Variants in TBC1D22A observed in about 807,000 individuals in gnomAD.
TBC1D22A encodes the protein TBC1 domain family member 22A.
A neutral mutation model predicts 60.2 loss-of-function variants in TBC1D22A; 38 were observed. The observed-to-expected ratio is 0.63, with a 90% CI of 0.49 to 0.83. The LOEUF is 0.83. Among genes scored for constraint, TBC1D22A ranks in the 40% least tolerant of loss-of-function variants. The probability of loss-of-function intolerance (pLI) is 0.00; values close to 1 mark genes in which losing one functional copy is unlikely to be tolerated. For missense variants in TBC1D22A, 628 were observed against 701.0 expected, an observed-to-expected ratio of 0.90 and a Z score of 1.18; for synonymous variants, 302 against 281.7, an observed-to-expected ratio of 1.07 and a Z score of -0.72.
intron 12 of TBC1D22A, among the ~76,000 whole-genome samples, chr22:47,163,082 C>T (rs1209952134): frequency 6.6e-6 from 1 of 152,232 alleles, no homozygotes; most frequent in Non-Finnish European, 1.5e-5. Flanking sequence ...GGGCACTGAC[C>T]AGGCAGGCGT....
chr22:47,113,893 T>A (rs1461607892), intron 12 of TBC1D22A, among the ~76,000 whole-genome samples: 2 of 151,944 alleles, frequency 1.3e-5, no homozygotes, highest in Non-Finnish European at 2.9e-5. Flanking sequence ...GGGAGGTGGG[T>A]CATGAGAGGG....
chr22:47,102,100 G>A (rs901948731), intron 11 of TBC1D22A, among the ~76,000 whole-genome samples: 5 of 152,196 alleles, frequency 3.3e-5, no homozygotes, highest in Admixed American at 2.6e-4. Flanking sequence ...CCCACTTGCC[G>A]TTGCTGCAGA....
At chr22:47,027,230 A>G (rs114167740) in intron 10 of TBC1D22A, among the ~76,000 whole-genome samples, 2,270 of 152,366 alleles carry the variant, frequency 0.015, 54 homozygotes, top group African/African-American at 0.051. Flanking sequence ...GAAAATTCAC[A>G]TCAGAGGAAG....
intron 10 of TBC1D22A, among the ~76,000 whole-genome samples, chr22:47,019,662 G>C (rs1303295179): frequency 1.3e-5 from 2 of 151,894 alleles, no homozygotes; most frequent in East Asian, 1.9e-4. Context: ...GTGGGCAGTG[G>C]TGTGAGCAGT....
At chr22:46,768,692 G>A (rs1489927605) in intron 1 of TBC1D22A, among the ~76,000 whole-genome samples, 1 of 152,140 alleles carries the variant, frequency 6.6e-6, no homozygotes, top group East Asian at 1.9e-4. Flanking sequence ...CAGTCTTTCA[G>A]TGTGGGTCTG....
chr22:46,938,757 TG>T (rs1224916093), intron 8 of TBC1D22A, among the ~76,000 whole-genome samples: 1 of 152,052 alleles, frequency 6.6e-6, no homozygotes, highest in African/African-American at 2.4e-5. Flanking sequence ...GGCTAATTTT[TG>T]TATTTTTAGT....
intron 9 of TBC1D22A, among the ~76,000 whole-genome samples, chr22:46,980,984 C>T (rs546013323): frequency 1.3e-5 from 2 of 152,330 alleles, no homozygotes; most frequent in East Asian, 3.9e-4. Flanking sequence ...ATGCTACTTA[C>T]AAGACACCGA....
At chr22:46,916,891 G>C (rs2070403940) in intron 8 of TBC1D22A, among the ~76,000 whole-genome samples, 1 of 152,224 alleles carries the variant, frequency 6.6e-6, no homozygotes, top group Non-Finnish European at 1.5e-5. Context: ...ATCGATCATG[G>C]AGAAGTTCTC....
chr22:47,167,759 A>G (rs9626956), intron 12 of TBC1D22A, among the ~76,000 whole-genome samples: 19,149 of 152,188 alleles, frequency 0.13, 1,301 homozygotes, highest in Non-Finnish European at 0.15. Context: ...AAAAAGCACC[A>G]TTCGATTGGA....
intron 8 of TBC1D22A, among the ~76,000 whole-genome samples, chr22:46,941,581 GGGAATATATATACGGAATATATATACGC>G (rs2072097092): frequency 9.6e-5 from 11 of 114,710 alleles, no homozygotes; most frequent in East Asian, 4.3e-4. Context: ...TATATATACA[GGGAATATATATACGGAATATATATACGC>G]GGAATATATA....
chr22:46,985,326 C>T (rs1455085458), intron 9 of TBC1D22A, among the ~76,000 whole-genome samples: 5 of 152,092 alleles, frequency 3.3e-5, no homozygotes, highest in Admixed American at 3.3e-4. Context: ...CCACACCTGC[C>T]CCAGATGCCG....
chr22:47,171,058 T>C (rs1407489945), intron 12 of TBC1D22A, among the ~76,000 whole-genome samples: 1 of 152,292 alleles, frequency 6.6e-6, no homozygotes, highest in African/African-American at 2.4e-5. Context: ...GTCCAGGCTC[T>C]GTGCCTGCAC....
chr22:46,917,684 C>G (rs2070464832), intron 8 of TBC1D22A, among the ~76,000 whole-genome samples: 1 of 152,106 alleles, frequency 6.6e-6, no homozygotes, highest in Non-Finnish European at 1.5e-5. Flanking sequence ...GGAGGTTAGT[C>G]TGGAAATTGT....
intron 5 of TBC1D22A, among the ~76,000 whole-genome samples, chr22:46,881,692 G>C (rs1377577553): frequency 1.3e-5 from 2 of 152,232 alleles, no homozygotes; most frequent in African/African-American, 2.4e-5. Context: ...ACTGGGAAGG[G>C]ACAGGTAAGG....
chr22:46,949,335 C>T (rs1432696533), intron 8 of TBC1D22A, among the ~76,000 whole-genome samples: 1 of 152,216 alleles, frequency 6.6e-6, no homozygotes, highest in Non-Finnish European at 1.5e-5. Context: ...GAGTCATCCT[C>T]CCCATTCTCA....
At chr22:47,008,075 G>GA (rs1409445361) in intron 10 of TBC1D22A, among the ~76,000 whole-genome samples, 2 of 152,168 alleles carry the variant, frequency 1.3e-5, no homozygotes, top group African/African-American at 4.8e-5. Flanking sequence ...AGGAAGAGGG[G>GA]ACTCTTCATT....
At chr22:46,962,815 A>G (rs2073581860) in intron 8 of TBC1D22A, among the ~76,000 whole-genome samples, 1 of 152,234 alleles carries the variant, frequency 6.6e-6, no homozygotes, top group Admixed American at 6.5e-5. Flanking sequence ...AATTAGACCA[A>G]GAGATATCCT....
intron 12 of TBC1D22A, among the ~76,000 whole-genome samples, chr22:47,147,468 C>T (rs1472129056): frequency 1.3e-5 from 2 of 152,150 alleles, no homozygotes; most frequent in East Asian, 3.9e-4. Context: ...GGAGGGCTCC[C>T]CAGGGGGCTG....
At chr22:47,065,152 C>T (rs1173574289) in intron 11 of TBC1D22A, among the ~76,000 whole-genome samples, 5 of 152,224 alleles carry the variant, frequency 3.3e-5, no homozygotes, top group East Asian at 3.9e-4. Context: ...CGTGCCAACA[C>T]GCCCGGCTAA....
Sources: gnomAD v4.1 joint callset for allele counts (sites outside exome capture counted in the v4.1 genomes callset) on GRCh38, gnomAD v4.1.1 for gene constraint, MANE v1.5 for transcripts, NCBI Gene and HGNC (gene_info 2026-07-23, HGNC 2026-07-21) for gene names.